Variants in SPOCK1 observed in about 807,000 individuals in gnomAD.
SPOCK1 encodes the protein SPARC (osteonectin), cwcv and kazal like domains proteoglycan 1, also known as testican-1.
A neutral mutation model predicts 55.3 loss-of-function variants in SPOCK1; 23 were observed. The ratio of observed to expected loss-of-function variants is 0.42; its 90% CI spans 0.30 to 0.59. SPOCK1 has a LOEUF of 0.59. Among genes scored for constraint, SPOCK1 ranks in the 20% least tolerant of loss-of-function variants. The pLI, the probability that SPOCK1 is intolerant of heterozygous loss-of-function variation, is 0.22. For missense variants in SPOCK1, 499 were observed against 552.5 expected, an observed-to-expected ratio of 0.90 and a Z score of 0.97; for synonymous variants, 226 against 221.0, an observed-to-expected ratio of 1.02 and a Z score of -0.20.
At chr5:137,273,593 G>A (rs959117404) in intron 2 of SPOCK1, among the ~76,000 whole-genome samples, 48 of 152,228 alleles carry the variant, frequency 3.2e-4, no homozygotes, top group Admixed American at 2.6e-4. Context: ...AGGACATGAG[G>A]TTATGGGGTA....
chr5:137,079,538 C>CCCCT, intron 5 of SPOCK1, among the ~76,000 whole-genome samples: 1 of 101,844 alleles, frequency 9.8e-6, no homozygotes, highest in East Asian at 5.7e-4. Context: ...CTGATTCCCC[C>CCCCT]CCCCCCCGAC....
At chr5:137,350,529 G>C (rs893757768) in intron 2 of SPOCK1, among the ~76,000 whole-genome samples, 1 of 152,158 alleles carries the variant, frequency 6.6e-6, no homozygotes, top group African/African-American at 2.4e-5. Flanking sequence ...TCACTCCCAT[G>C]TCTGGCACCT....
At chr5:137,381,738 A>G (rs1190129788) in intron 2 of SPOCK1, among the ~76,000 whole-genome samples, 3 of 152,166 alleles carry the variant, frequency 2.0e-5, no homozygotes, top group Admixed American at 6.5e-5. Context: ...GGCCCACAAA[A>G]TCATTTTTTC....
intron 2 of SPOCK1, among the ~76,000 whole-genome samples, chr5:137,312,978 T>C (rs935729896): frequency 6.6e-6 from 1 of 152,174 alleles, no homozygotes; most frequent in African/African-American, 2.4e-5. Context: ...ATTTTCCTAC[T>C]GGCAGGTAAA....
At chr5:137,348,708 C>T (rs915796145) in intron 2 of SPOCK1, among the ~76,000 whole-genome samples, 1 of 152,146 alleles carries the variant, frequency 6.6e-6, no homozygotes, top group African/African-American at 2.4e-5. Context: ...AATTACATTG[C>T]TCCTGTGTTG....
intron 6 of SPOCK1, among the ~76,000 whole-genome samples, chr5:137,033,934 T>G (rs1751831176): frequency 6.6e-6 from 1 of 152,212 alleles, no homozygotes; most frequent in South Asian, 2.1e-4. Context: ...AGCATATTCC[T>G]AATCACACAC....
At chr5:137,161,842 G>A (rs1377132265) in intron 3 of SPOCK1, among the ~76,000 whole-genome samples, 1 of 152,076 alleles carries the variant, frequency 6.6e-6, no homozygotes, top group South Asian at 2.1e-4. Context: ...AGTATTCAAT[G>A]CTACAGCTAT....
rs749177001 is a variant in SPOCK1 at position 136,978,624 on chromosome 5, G to A, written c.*30C>T. The stretch of plus-strand genomic sequence containing the variant: ...AATAGGAAGTGACTTGCAATTTTGT[G>A]CAAAACTTGTGTCCTCTTTCTTGTG... On this transcript the variant is annotated 3_prime_UTR_variant, in exon 11 of 11. Transcript: ENST00000394945. 2 of 1,561,504 alleles carry A rather than the reference G, an allele frequency of 1.3e-6. No individual in the cohort carries two copies. The highest frequency in any genetic ancestry group is 3.5e-4 in the Middle Eastern group (2 of 5,786).
At chr5:136,996,208 G>A (rs1304828062) in intron 6 of SPOCK1, among the ~76,000 whole-genome samples, 4 of 152,198 alleles carry the variant, frequency 2.6e-5, no homozygotes, top group Non-Finnish European at 5.9e-5. Flanking sequence ...CACACACTTA[G>A]TACATTCCTA....
intron 3 of SPOCK1, among the ~76,000 whole-genome samples, chr5:137,175,583 T>TA (rs1336856808): frequency 6.6e-6 from 1 of 152,244 alleles, no homozygotes; most frequent in African/African-American, 2.4e-5. Context: ...CTTTGGGTTC[T>TA]AATCCCAGCT....
chr5:137,310,336 C>T (rs1328462491), intron 2 of SPOCK1, among the ~76,000 whole-genome samples: 1 of 152,168 alleles, frequency 6.6e-6, no homozygotes, highest in African/African-American at 2.4e-5. Context: ...AAGCAGACCT[C>T]GCTGTAATTA....
chr5:137,164,377 C>T (rs1754610969), intron 3 of SPOCK1, among the ~76,000 whole-genome samples: 1 of 152,100 alleles, frequency 6.6e-6, no homozygotes, highest in Non-Finnish European at 1.5e-5. Flanking sequence ...GGGAAGGACC[C>T]AGTCCTGGAA....
At position 137,152,376 on chromosome 5, in the gene SPOCK1, A is replaced by C. The variant is rs986522474; in HGVS notation, c.233-11682T>G. On this transcript the variant is annotated intron_variant, in intron 3 of 10. Coordinates refer to ENST00000394945, the MANE Select transcript of SPOCK1 (RefSeq NM_004598.4). ...CTAATTACTTCCCTTACATTAGCTA[A>C]GATAAGGGCTATCATGCTAATATAA... Among the ~76,000 whole-genome samples, 7 of 152,246 alleles carry C rather than the reference A, an allele frequency of 4.6e-5. 1 individual carries two copies. Among genetic ancestry groups the C allele is most frequent in the Non-Finnish European group, 1.0e-4 (7 of 68,046 alleles).
intron 4 of SPOCK1, among the ~76,000 whole-genome samples, chr5:137,132,238 T>C (rs1419562968): frequency 2.0e-5 from 3 of 149,084 alleles, no homozygotes; most frequent in Admixed American, 1.3e-4. Flanking sequence ...AGATGGGCAA[T>C]TTAACATCTT....
intron 2 of SPOCK1, among the ~76,000 whole-genome samples, chr5:137,306,768 T>C (rs1467564145): frequency 1.3e-5 from 2 of 152,238 alleles, no homozygotes; most frequent in East Asian, 1.9e-4. Context: ...AGTTTATAAT[T>C]TTGTGATTAT....
chr5:136,989,801 C>T (rs1013842100), intron 7 of SPOCK1, among the ~76,000 whole-genome samples: 3 of 152,072 alleles, frequency 2.0e-5, no homozygotes, highest in African/African-American at 7.2e-5. Flanking sequence ...AAGGGGGGGC[C>T]TGATGGGGTC....
At chr5:137,451,021 A>G (rs17783712) in intron 2 of SPOCK1, among the ~76,000 whole-genome samples, 61,511 of 151,938 alleles carry the variant, frequency 0.4, 13,552 homozygotes, top group East Asian at 0.64. Context: ...AAAGCTCCTC[A>G]GTCTCTCTCA....
At chr5:137,405,913 C>T (rs964731103) in intron 2 of SPOCK1, among the ~76,000 whole-genome samples, 1 of 152,190 alleles carries the variant, frequency 6.6e-6, no homozygotes, top group Non-Finnish European at 1.5e-5. Flanking sequence ...CGAGTCTCCA[C>T]CTCTCCTCTG....
intron 5 of SPOCK1, among the ~76,000 whole-genome samples, chr5:137,099,320 G>A (rs566669127): frequency 2.6e-5 from 4 of 152,206 alleles, no homozygotes; most frequent in Admixed American, 2.0e-4. Flanking sequence ...CTTTTTAAAC[G>A]GCTCTATTGA....
Sources: allele counts gnomAD v4.1 joint callset (sites outside exome capture counted in the v4.1 genomes callset), GRCh38; gene constraint gnomAD v4.1.1; transcripts MANE v1.5; gene names NCBI Gene and HGNC (gene_info 2026-07-23, HGNC 2026-07-21).